The following SAMSN1 variants were observed in gnomAD, a reference collection of about 807,000 sequenced individuals.
The protein encoded by SAMSN1 is SAM domain-containing protein SAMSN-1.
In SAMSN1, 31 loss-of-function variants were observed where a neutral mutation model predicts 42.0. The observed-to-expected ratio is 0.74, with a 90% CI of 0.55 to 1.00. The LOEUF (loss-of-function observed/expected upper bound fraction) is 1.00. SAMSN1 is among the 50% of genes least tolerant of loss of function. The probability of loss-of-function intolerance (pLI) is 0.00; values close to 1 mark genes in which losing one functional copy is unlikely to be tolerated. For missense variants in SAMSN1, 464 were observed against 439.4 expected (o/e 1.06, Z -0.50); for synonymous variants, 178 against 151.9 (o/e 1.17, Z -1.26).
Position 14,527,483 on chromosome 21 carries a change from C to G in SAMSN1, c.58-6262G>C, listed in dbSNP as rs1014902432. Among the ~76,000 whole-genome samples, 4 of 152,136 alleles carry G rather than the reference C, an allele frequency of 2.6e-5. No individual in the cohort carries two copies. The East Asian group carries it at 5.8e-4, about 22-fold the overall frequency. ...CGTTTTATCCAGGGATAAAGGCAACCCAAAGCTCAAACATATACCAATGCT... is the reference window on the plus strand; with the variant it reads ...CGTTTTATCCAGGGATAAAGGCAACGCAAAGCTCAAACATATACCAATGCT... On this transcript the variant is annotated intron_variant, in intron 1 of 7. Coordinates refer to ENST00000400566, the MANE Select transcript of SAMSN1 (RefSeq NM_022136.5).
chr21:14,629,355 G>A (rs17003818), intron 2 of SAMSN1, among the ~76,000 whole-genome samples: 1,757 of 152,180 alleles, frequency 0.012, 25 homozygotes, highest in African/African-American at 0.039. Context: ...AATTAAAAGC[G>A]GACACTTCAG....
At chr21:14,569,698 C>T (rs1282489013) in intron 2 of SAMSN1, among the ~76,000 whole-genome samples, 1 of 152,110 alleles carries the variant, frequency 6.6e-6, no homozygotes, top group Admixed American at 6.6e-5. Flanking sequence ...CAAAGAAACA[C>T]AAAGAATATT....
At chr21:14,581,536 T>A (rs959678180) in intron 2 of SAMSN1, among the ~76,000 whole-genome samples, 2 of 151,172 alleles carry the variant, frequency 1.3e-5, no homozygotes, top group African/African-American at 2.4e-5. Flanking sequence ...TTTTTTTGTA[T>A]TTTTAGTAGA....
At chr21:14,611,296 C>G (rs1600962633) in intron 4 of SAMSN1, among the ~76,000 whole-genome samples, 1 of 152,206 alleles carries the variant, frequency 6.6e-6, no homozygotes, top group African/African-American at 2.4e-5. Context: ...CTCCCAACAT[C>G]TAAAGCAGGG....
intron 6 of SAMSN1, among the ~76,000 whole-genome samples, chr21:14,599,433 T>G (rs1385574883): frequency 6.6e-6 from 1 of 152,216 alleles, no homozygotes; most frequent in Non-Finnish European, 1.5e-5. Flanking sequence ...GTAAGTTTCC[T>G]GAGGCCTCCC....
At chr21:14,576,170 T>C (rs1313525946) in intron 2 of SAMSN1, among the ~76,000 whole-genome samples, 1 of 152,040 alleles carries the variant, frequency 6.6e-6, no homozygotes, top group Non-Finnish European at 1.5e-5. Context: ...GGGGAGGCGT[T>C]TAAAGGTTTG....
intron 6 of SAMSN1, among the ~76,000 whole-genome samples, chr21:14,594,475 C>A (rs1489590078): frequency 6.6e-6 from 1 of 152,108 alleles, no homozygotes; most frequent in African/African-American, 2.4e-5. Context: ...CCACTCTAAT[C>A]CCTTAGTGCT....
intron 3 of SAMSN1, among the ~76,000 whole-genome samples, chr21:14,515,426 A>T (rs2049859): frequency 0.51 from 77,794 of 151,956 alleles, 20,142 homozygotes; most frequent in East Asian, 0.6. Flanking sequence ...CAAATAGTGT[A>T]AGGACAACTA....
intron 2 of SAMSN1, 42 bp downstream of exon 2, chr21:14,521,108 T>C (rs760290727): frequency 1.0e-5 from 12 of 1,193,498 alleles, no homozygotes; most frequent in East Asian, 4.7e-5. Flanking sequence ...TATTTCATAA[T>C]GTGTTTGCAT....
At chr21:14,559,215 T>C (rs190892303) in intron 2 of SAMSN1, among the ~76,000 whole-genome samples, 1 of 152,312 alleles carries the variant, frequency 6.6e-6, no homozygotes, top group Admixed American at 6.5e-5. Context: ...GCTTTTGTTT[T>C]TCTAGTTTAT....
At chr21:14,553,629 C>T (rs1453574838) in intron 2 of SAMSN1, among the ~76,000 whole-genome samples, 5 of 152,128 alleles carry the variant, frequency 3.3e-5, no homozygotes, top group Admixed American at 2.6e-4. Flanking sequence ...AGGGCACTTA[C>T]ATCCTTTTAG....
chr21:14,628,568 G>A (rs148026382), intron 2 of SAMSN1, among the ~76,000 whole-genome samples: 15 of 152,242 alleles, frequency 9.9e-5, no homozygotes, highest in Non-Finnish European at 1.9e-4. Flanking sequence ...TATGTGACTG[G>A]TAACAAGTCA....
At chr21:14,553,118 C>CA (rs1980653275) in intron 2 of SAMSN1, among the ~76,000 whole-genome samples, 1 of 151,830 alleles carries the variant, frequency 6.6e-6, no homozygotes, top group Non-Finnish European at 1.5e-5. Context: ...ATGCATTAGG[C>CA]ATTATCTATT....
chr21:14,495,118 C>G (rs1410672847), intron 7 of SAMSN1, among the ~76,000 whole-genome samples: 1 of 152,210 alleles, frequency 6.6e-6, no homozygotes, highest in Non-Finnish European at 1.5e-5. Context: ...ATGTCCCATT[C>G]TTAAAAAGAA....
At chr21:14,571,187 A>G (rs1332618506) in intron 2 of SAMSN1, among the ~76,000 whole-genome samples, 1 of 152,190 alleles carries the variant, frequency 6.6e-6, no homozygotes, top group Non-Finnish European at 1.5e-5. Flanking sequence ...TTTTGTTTCT[A>G]ATTAGACTAT....
intron 2 of SAMSN1, among the ~76,000 whole-genome samples, chr21:14,562,317 T>C (rs1980972145): frequency 6.6e-6 from 1 of 152,182 alleles, no homozygotes; most frequent in East Asian, 1.9e-4. Flanking sequence ...CCTCGGTGTT[T>C]TCCTGTCTAT....
intron 1 of SAMSN1, among the ~76,000 whole-genome samples, chr21:14,532,885 A>G (rs1458471659): frequency 6.6e-6 from 1 of 151,766 alleles, no homozygotes; most frequent in East Asian, 1.9e-4. Context: ...TACATATTTA[A>G]TATTTTATTA....
At chr21:14,516,855 A>C (rs377306339) in intron 3 of SAMSN1, 37 bp downstream of exon 3, 3 of 1,543,604 alleles carry the variant, frequency 1.9e-6, no homozygotes, top group East Asian at 2.3e-5. Flanking sequence ...AGAAAGTTTT[A>C]GTAGAAAAAT....
intron 2 of SAMSN1, among the ~76,000 whole-genome samples, chr21:14,631,126 A>G (rs1270509465): frequency 1.3e-5 from 2 of 152,144 alleles, no homozygotes; most frequent in Non-Finnish European, 2.9e-5. Context: ...CCTCTCTTTC[A>G]TCATTTTTAA....
Sources: gnomAD v4.1 joint callset for allele counts (sites outside exome capture counted in the v4.1 genomes callset) on GRCh38, gnomAD v4.1.1 for gene constraint, MANE v1.5 for transcripts, NCBI Gene and HGNC (gene_info 2026-07-23, HGNC 2026-07-21) for gene names.